The following ATP8A2 variants were observed in gnomAD, a reference collection of about 807,000 sequenced individuals.
ATP8A2 encodes the protein ATPase phospholipid transporting 8A2, also known as phospholipid-transporting ATPase IB.
Under a neutral mutation model 165.6 loss-of-function variants are expected in ATP8A2, and 100 were observed. The observed-to-expected ratio is 0.60, with a 90% CI of 0.51 to 0.71. The LOEUF (loss-of-function observed/expected upper bound fraction) is 0.71, where lower values mean the gene tolerates loss of function less well. Ranked by LOEUF, ATP8A2 falls within the 30% of genes least tolerant of loss-of-function variation. ATP8A2 has a pLI of 0.00. For synonymous variants in ATP8A2, 543 were observed against 548.8 expected, an observed-to-expected ratio of 0.99 and a Z score of 0.15; for missense variants, 1,227 against 1,479.5, an observed-to-expected ratio of 0.83 and a Z score of 2.80.
At chr13:25,450,407 T>G (rs2138232565) in intron 1 of ATP8A2, among the ~76,000 whole-genome samples, 1 of 152,346 alleles carries the variant, frequency 6.6e-6, no homozygotes, top group East Asian at 1.9e-4. Context: ...CACACTGGCT[T>G]CCACAATGGC....
chr13:25,925,036 G>T (rs1172899675), intron 33 of ATP8A2, among the ~76,000 whole-genome samples: 1 of 152,162 alleles, frequency 6.6e-6, no homozygotes. Context: ...AGCAGCATGA[G>T]AACAGACTAA....
At chr13:25,412,835 G>C (rs550878973) in intron 1 of ATP8A2, among the ~76,000 whole-genome samples, 4 of 152,016 alleles carry the variant, frequency 2.6e-5, no homozygotes, top group African/African-American at 4.8e-5. Flanking sequence ...ATTTTTTTTG[G>C]GGGGGGATGG....
intron 24 of ATP8A2, among the ~76,000 whole-genome samples, chr13:25,693,927 C>T (rs963934163): frequency 2.0e-5 from 3 of 152,160 alleles, no homozygotes; most frequent in African/African-American, 4.8e-5. Context: ...TGCAGTGGCA[C>T]GATCTTGACT....
intron 35 of ATP8A2, among the ~76,000 whole-genome samples, chr13:25,978,165 T>C (rs1247508459): frequency 1.3e-5 from 2 of 152,184 alleles, no homozygotes; most frequent in Non-Finnish European, 2.9e-5. Context: ...TTTAACCCAC[T>C]TGAGCAGCAA....
intron 24 of ATP8A2, 87 bp downstream of exon 24, chr13:25,589,786 T>C (rs1055020914): frequency 1.2e-6 from 1 of 837,144 alleles, no homozygotes; most frequent in Non-Finnish European, 1.9e-6. Flanking sequence ...AGGGATCATG[T>C]TTTGCTAAAA....
At chr13:25,677,596 G>A (rs2042397593) in intron 24 of ATP8A2, among the ~76,000 whole-genome samples, 2 of 151,884 alleles carry the variant, frequency 1.3e-5, no homozygotes. Flanking sequence ...CTGGGATAAT[G>A]TGTGAACATG....
intron 24 of ATP8A2, among the ~76,000 whole-genome samples, chr13:25,607,961 A>C (rs2040561119): frequency 6.6e-6 from 1 of 152,202 alleles, no homozygotes; most frequent in African/African-American, 2.4e-5. Context: ...AAAAATAGTG[A>C]GTTTTCCTCT....
chr13:25,793,015 AGAGAAGAGAG>A (rs71077500), intron 27 of ATP8A2, among the ~76,000 whole-genome samples: 27,433 of 150,794 alleles, frequency 0.18, 2,603 homozygotes, highest in Middle Eastern at 0.23. Context: ...GGAGGGCAGG[AGAGAAGAGAG>A]GAGAAGAGAG....
chr13:25,946,759 T>TTTTG, intron 33 of ATP8A2, among the ~76,000 whole-genome samples: 1 of 152,146 alleles, frequency 6.6e-6, no homozygotes, highest in South Asian at 2.1e-4. Context: ...GTTTGTTTTG[T>TTTTG]TTTTTTGAGA....
chr13:26,011,062 G>A (rs901572706), intron 35 of ATP8A2, among the ~76,000 whole-genome samples: 6 of 152,120 alleles, frequency 3.9e-5, no homozygotes, highest in Non-Finnish European at 4.4e-5. Flanking sequence ...ATCGATCGGG[G>A]GCAGGGTACA....
Position 26,019,968 on chromosome 13 carries a change from A to G in ATP8A2, c.3550A>G (p.Lys1184Glu), listed in dbSNP as rs1322904799. The change falls in exon 37 of 37, where the codon AAA becomes GAA. Residue 1184 changes from lysine (K) to glutamate (E), a missense_variant. Lys to Glu is a moderately conservative substitution (Grantham distance 56). Transcript: ENST00000381655. The stretch of plus-strand genomic sequence containing the variant: ...CCGTGCTTATGACACCACCAAAAAG[A>G]AATCCAGGAAGAAATAAGACATGAA... ...VIRAYDTTKKKSRKK is the reference protein window; with the variant it reads ...VIRAYDTTKKESRKK 3 of 1,612,516 alleles carry G rather than the reference A, an allele frequency of 1.9e-6. No homozygotes were observed. In the African/African-American group the frequency reaches 4.0e-5, roughly 21 times the overall value.
At chr13:25,414,634 C>T (rs533554065) in intron 1 of ATP8A2, among the ~76,000 whole-genome samples, 1 of 152,214 alleles carries the variant, frequency 6.6e-6, no homozygotes. Context: ...ATGTACTTTA[C>T]GTGTATGTCA....
chr13:25,729,820 C>T (rs929543696), intron 25 of ATP8A2, among the ~76,000 whole-genome samples: 5 of 152,034 alleles, frequency 3.3e-5, no homozygotes, highest in East Asian at 1.9e-4. Context: ...AAACATTGTT[C>T]GGGATGCTAA....
At chr13:25,502,858 A>G (rs1219364696) in intron 2 of ATP8A2, among the ~76,000 whole-genome samples, 4 of 152,128 alleles carry the variant, frequency 2.6e-5, no homozygotes, top group East Asian at 1.9e-4. Context: ...TTCTAGTACA[A>G]TCGTGTGTAG....
chr13:25,940,630 C>A (rs994659877), intron 33 of ATP8A2, among the ~76,000 whole-genome samples: 2 of 152,202 alleles, frequency 1.3e-5, no homozygotes, highest in African/African-American at 4.8e-5. Context: ...CTTCTTCCTC[C>A]ACCTCCTAGC....
At chr13:25,384,133 AC>A (rs2032954385) in intron 1 of ATP8A2, among the ~76,000 whole-genome samples, 1 of 152,152 alleles carries the variant, frequency 6.6e-6, no homozygotes, top group South Asian at 2.1e-4. Flanking sequence ...TTTCTCTGGC[AC>A]CCTGCTTTAT....
intron 24 of ATP8A2, among the ~76,000 whole-genome samples, chr13:25,678,536 G>C (rs146321659): frequency 9.6e-4 from 146 of 152,166 alleles, no homozygotes; most frequent in African/African-American, 3.3e-3. Flanking sequence ...CCAGCAGGTG[G>C]GGTTCTTCTG....
At chr13:25,695,608 C>A (rs1331620495) in intron 24 of ATP8A2, among the ~76,000 whole-genome samples, 1 of 152,164 alleles carries the variant, frequency 6.6e-6, no homozygotes, top group African/African-American at 2.4e-5. Context: ...CAAGAATGTT[C>A]ACGGCGTGTT....
In ATP8A2 at chr13:25,514,452, G is replaced by T. The variant is rs112473085; in HGVS notation, c.222-15547G>T. Among the ~76,000 whole-genome samples the T allele has an allele frequency of 5.4e-3, 829 of 152,294 alleles. 7 individuals carry two copies. The highest frequency in any genetic ancestry group is 0.019 in the African/African-American group (792 of 41,556). On this transcript the variant is annotated intron_variant, in intron 2 of 36. Transcript: ENST00000381655. Reference sequence around the variant, plus strand: ...GTGTAGCAGGATGATGGGGTGCTCTGTGAGTGCAGGCCAGATAGCAAGACT... The same window carrying T: ...GTGTAGCAGGATGATGGGGTGCTCTTTGAGTGCAGGCCAGATAGCAAGACT...
Sources: gnomAD v4.1 joint callset for allele counts (sites outside exome capture counted in the v4.1 genomes callset) on GRCh38, gnomAD v4.1.1 for gene constraint, MANE v1.5 for transcripts, NCBI Gene and HGNC (gene_info 2026-07-23, HGNC 2026-07-21) for gene names.